Variants in ROBO2 observed in about 807,000 individuals in gnomAD.
The protein encoded by ROBO2 is roundabout guidance receptor 2.
ROBO2 carries 53 observed loss-of-function variants against 160.8 expected under a neutral mutation model. The ratio of observed to expected loss-of-function variants is 0.33; its 90% CI spans 0.26 to 0.41. The LOEUF is 0.41. ROBO2 is among the 10% of genes least tolerant of loss of function. The probability of loss-of-function intolerance (pLI) is 1.00; values close to 1 mark genes in which losing one functional copy is unlikely to be tolerated. For missense variants in ROBO2, 1,577 were observed against 1,722.4 expected, an observed-to-expected ratio of 0.92 and a Z score of 1.49; for synonymous variants, 664 against 611.7, an observed-to-expected ratio of 1.09 and a Z score of -1.26.
intron 2 of ROBO2, among the ~76,000 whole-genome samples, chr3:76,653,567 T>G (rs534809023): frequency 6.6e-6 from 1 of 152,094 alleles, no homozygotes; most frequent in African/African-American, 2.4e-5. Context: ...TCTTATATCT[T>G]ACTATCCTGC....
intron 2 of ROBO2, among the ~76,000 whole-genome samples, chr3:77,323,478 A>G (rs1330095741): frequency 6.6e-6 from 1 of 152,158 alleles, no homozygotes; most frequent in East Asian, 1.9e-4. Context: ...TTCTTCCAAA[A>G]TTAATCAAGA....
rs570644364 is a variant in ROBO2 at position 76,751,743 on chromosome 3, T to C, written c.110-346271T>C. 4.0e-3 allele frequency among the ~76,000 whole-genome samples: 603 copies of C among 152,228 alleles called. 4 individuals are homozygous for C. Among genetic ancestry groups the C allele is most frequent in the Non-Finnish European group, 7.2e-3 (493 of 68,010 alleles). On this transcript the variant is annotated intron_variant, in intron 2 of 26. Transcript: ENST00000487694. ...AATGCAAATCAAAACCACAATGAGA[T>C]ACCATCTCACACCAGTTAGAATGGC... is the stretch of plus-strand genomic sequence containing the variant.
At chr3:77,575,140 G>A (rs957597933) in intron 14 of ROBO2, among the ~76,000 whole-genome samples, 1 of 151,982 alleles carries the variant, frequency 6.6e-6, no homozygotes, top group African/African-American at 2.4e-5. Context: ...TTTCCTATGG[G>A]CACTGCCAGT....
intron 1 of ROBO2, among the ~76,000 whole-genome samples, chr3:77,075,958 G>T: frequency 6.6e-6 from 1 of 151,746 alleles, no homozygotes; most frequent in African/African-American, 2.4e-5. Context: ...GATTACAGGC[G>T]TGAGCCACCA....
intron 2 of ROBO2, among the ~76,000 whole-genome samples, chr3:77,289,793 A>G (rs1275673881): frequency 2.0e-5 from 3 of 152,048 alleles, no homozygotes; most frequent in Non-Finnish European, 4.4e-5. Context: ...AGCTGAGGCT[A>G]GATCACCAAA....
intron 2 of ROBO2, among the ~76,000 whole-genome samples, chr3:77,375,334 T>C (rs2072480167): frequency 6.6e-6 from 1 of 152,254 alleles, no homozygotes. Context: ...TTCTCATTTA[T>C]TTTTTCTGTC....
intron 2 of ROBO2, among the ~76,000 whole-genome samples, chr3:77,103,539 G>A (rs2072347038): frequency 1.3e-5 from 2 of 151,928 alleles, no homozygotes; most frequent in Admixed American, 6.6e-5. Flanking sequence ...GCAGTTACAA[G>A]AGAGAACAGA....
chr3:77,135,836 G>A (rs1433436813), intron 2 of ROBO2, among the ~76,000 whole-genome samples: 1 of 152,086 alleles, frequency 6.6e-6, no homozygotes, highest in Non-Finnish European at 1.5e-5. Context: ...ATTCAATAGT[G>A]CTTGATATTT....
intron 24 of ROBO2, 46 bp from the exon 26 acceptor site, chr3:77,642,625 T>C (rs1009665238): frequency 1.2e-5 from 5 of 430,964 alleles, no homozygotes; most frequent in African/African-American, 8.2e-5. Context: ...AACCTGTATT[T>C]TTCATTAAAT....
chr3:76,301,006 G>T (rs900352087), intron 2 of ROBO2, among the ~76,000 whole-genome samples: 2 of 152,092 alleles, frequency 1.3e-5, no homozygotes, highest in Non-Finnish European at 2.9e-5. Context: ...ACAGCTGCCA[G>T]ATGATTTCTG....
chr3:77,595,255 C>A, intron 18 of ROBO2, 71 bp downstream of exon 19: 1 of 1,139,864 alleles, frequency 8.8e-7, no homozygotes, highest in South Asian at 1.3e-5. Context: ...ATAGTAAGAG[C>A]CTATTATTGT....
At chr3:76,033,098 C>T (rs964725973) in intron 2 of ROBO2, among the ~76,000 whole-genome samples, 1 of 23,006 alleles carries the variant, frequency 4.3e-5, no homozygotes, top group Non-Finnish European at 7.0e-5. Flanking sequence ...ATGGATATAA[C>T]AGCAAAAAAA....
At chr3:76,815,421 C>T (rs1422424292) in intron 2 of ROBO2, among the ~76,000 whole-genome samples, 1 of 148,276 alleles carries the variant, frequency 6.7e-6, no homozygotes, top group African/African-American at 2.5e-5. Context: ...CAGTCAACAG[C>T]AAGAAACACT....
intron 2 of ROBO2, among the ~76,000 whole-genome samples, chr3:76,989,553 C>T (rs1021419803): frequency 5.3e-5 from 8 of 151,366 alleles, no homozygotes; most frequent in Admixed American, 1.3e-4. Context: ...TGTAACTAAC[C>T]GCCGGGTTCT....
intron 2 of ROBO2, among the ~76,000 whole-genome samples, chr3:75,978,542 AAAT>A (rs1050607698): frequency 1.3e-5 from 2 of 151,606 alleles, no homozygotes; most frequent in African/African-American, 4.8e-5. Context: ...GTGAGACAAA[AAAT>A]AAAAAAGCTG....
intron 5 of ROBO2, among the ~76,000 whole-genome samples, chr3:77,499,762 C>A (rs538262383): frequency 2.0e-5 from 3 of 151,608 alleles, no homozygotes; most frequent in African/African-American, 7.3e-5. Flanking sequence ...GATTCTCCTG[C>A]CCCAGCCTCC....
rs138000209 is a variant in ROBO2 at position 77,386,194 on chromosome 3, T to C, written c.389-91220T>C. Among the ~76,000 whole-genome samples the C allele has an allele frequency of 3.7e-3, 570 of 152,246 alleles. 7 individuals carry two copies. Among genetic ancestry groups the C allele is most frequent in the African/African-American group, 0.013 (531 of 41,554 alleles). On this transcript the variant is annotated intron_variant, in intron 2 of 25. Transcript: ENST00000461745. ...TATTAATATTATCTCATTTTACAAG[T>C]GATAAAAATAGGACTTTAAAAAGTT...
At chr3:77,518,400 C>T (rs1420835736) in intron 5 of ROBO2, among the ~76,000 whole-genome samples, 1 of 151,494 alleles carries the variant, frequency 6.6e-6, no homozygotes, top group Non-Finnish European at 1.5e-5. Context: ...GGCAAAGATT[C>T]AGCGAGAAAT....
chr3:76,395,597 AGAG>A (rs2077396636), intron 2 of ROBO2, among the ~76,000 whole-genome samples: 1 of 151,432 alleles, frequency 6.6e-6, no homozygotes, highest in South Asian at 2.1e-4. Flanking sequence ...AGAAAAAAAG[AGAG>A]AAGAATCAAA....
Sources: gnomAD v4.1 joint callset for allele counts (sites outside exome capture counted in the v4.1 genomes callset) on GRCh38, gnomAD v4.1.1 for gene constraint, MANE v1.5 for transcripts, NCBI Gene and HGNC (gene_info 2026-07-23, HGNC 2026-07-21) for gene names.